The following MRTFB variants were observed in gnomAD, a reference collection of about 807,000 sequenced individuals.
The protein encoded by MRTFB is myocardin related transcription factor B.
In MRTFB, 29 loss-of-function variants were observed where a neutral mutation model predicts 104.2. The observed-to-expected ratio is 0.28, with a 90% CI of 0.21 to 0.38. The LOEUF is 0.38. Among genes scored for constraint, MRTFB ranks in the 10% least tolerant of loss-of-function variants. MRTFB has a pLI of 1.00. For synonymous variants in MRTFB, 535 were observed against 519.5 expected (o/e 1.03, Z -0.41); for missense variants, 1,270 against 1,341.6 (o/e 0.95, Z 0.83).
Position 14,248,790 on chromosome 16 carries a change from G to C in MRTFB, c.2248-136G>C, listed in dbSNP as rs1597374440. On this transcript the variant is annotated intron_variant, in intron 12 of 16. Coordinates refer to ENST00000571589, the MANE Select transcript of MRTFB (RefSeq NM_001308142.2). The stretch of plus-strand genomic sequence containing the variant: ...TTAAAGTTCAGATTTCTGTGCAGAT[G>C]AAGTGTGTATCTGTAACCTTGGTCT... The C allele has an allele frequency of 1.8e-5, 15 of 811,362 alleles. No individual in the cohort carries two copies. The South Asian group carries it at 2.7e-4, about 14-fold the overall frequency. The allele number at this position is 811,362 out of a possible 1,614,324, so 50.3% of individuals were successfully genotyped here. A position where few individuals can be genotyped will look rare whatever the true frequency, so the allele number is the denominator to read the frequency against.
the MRTFB span, among the ~76,000 whole-genome samples, chr16:14,004,274 C>T: frequency 3.3e-5 from 5 of 152,154 alleles, no homozygotes; most frequent in East Asian, 1.9e-4. Context: ...TTCCCAAAGC[C>T]GCCCATCCTG....
intron 3 of MRTFB, among the ~76,000 whole-genome samples, chr16:14,190,156 GAATTT>G (rs2040113549): frequency 6.6e-6 from 1 of 152,156 alleles, no homozygotes; most frequent in South Asian, 2.1e-4. Flanking sequence ...TGTGGTTGGA[GAATTT>G]AATTATTTTC....
intron 12 of MRTFB, 114 bp downstream of exon 12, chr16:14,247,621 C>T (rs549513187): frequency 4.5e-5 from 41 of 903,048 alleles, no homozygotes; most frequent in Non-Finnish European, 5.9e-5. Flanking sequence ...GCAGACCCCA[C>T]GGAGAAAACG....
Position 14,246,537 on chromosome 16 carries a change from T to C in MRTFB, c.1277T>C (p.Leu426Pro), listed in dbSNP as rs756911933. The stretch of plus-strand genomic sequence containing the variant: ...CCAGTGTCAGGCACCAAACCGGACC[T>C]CATTGAGCGCCTAAAACCCTACCAG... Reference protein sequence around the residue: ...GLPVSGTKPDLIERLKPYQEV... With the variant: ...GLPVSGTKPDPIERLKPYQEV... Residue 426 changes from leucine to proline, a missense_variant, in exon 12 of 17, where the codon CTC becomes CCC. Physicochemically the swap from Leu to Pro is moderately conservative, Grantham distance 98. This residue lies in a region of MRTFB where 1,144 missense variants were observed against 1,131.5 expected (regional missense o/e 1.01). Transcript: ENST00000571589. 2 of 1,614,040 alleles carry C rather than the reference T, an allele frequency of 1.2e-6. No homozygotes were observed. The highest frequency in any genetic ancestry group is 2.2e-5 in the South Asian group (2 of 91,086).
At chr16:14,242,095 A>G (rs1025044182) in intron 10 of MRTFB, among the ~76,000 whole-genome samples, 37 of 152,066 alleles carry the variant, frequency 2.4e-4, no homozygotes, top group African/African-American at 8.7e-4. Context: ...CAAGTCTAGG[A>G]GGAATTGCTG....
intron 3 of MRTFB, among the ~76,000 whole-genome samples, chr16:14,199,625 C>G (rs928950561): frequency 6.6e-6 from 1 of 152,218 alleles, no homozygotes; most frequent in African/African-American, 2.4e-5. Context: ...TGTCCACTCC[C>G]TTGCCATACA....
At chr16:14,021,554 G>A in the MRTFB span, among the ~76,000 whole-genome samples, 55 of 152,266 alleles carry the variant, frequency 3.6e-4, no homozygotes, top group African/African-American at 1.2e-3. Flanking sequence ...CCAATTTGTA[G>A]TGTTTTATCC....
chr16:14,072,843 C>G (rs868682528), intron 1 of MRTFB, among the ~76,000 whole-genome samples: 4 of 152,320 alleles, frequency 2.6e-5, no homozygotes, highest in African/African-American at 7.2e-5. Flanking sequence ...AATATTAGCA[C>G]AAGCCCTCCA....
chr16:14,085,897 A>G (rs1462322099), intron 2 of MRTFB, among the ~76,000 whole-genome samples: 1 of 152,182 alleles, frequency 6.6e-6, no homozygotes, highest in Non-Finnish European at 1.5e-5. Flanking sequence ...TTTATTTTCC[A>G]ACTCTGCTTT....
chr16:14,239,554 T>G (rs2042672616), intron 9 of MRTFB, among the ~76,000 whole-genome samples: 1 of 152,238 alleles, frequency 6.6e-6, no homozygotes, highest in Admixed American at 6.5e-5. Context: ...CAGATGACGC[T>G]ATCTTAGAAT....
chr16:14,258,196 G>C (rs2043594051), intron 16 of MRTFB, 35 bp downstream of exon 16: 1 of 1,582,636 alleles, frequency 6.3e-7, no homozygotes, highest in African/African-American at 1.3e-5. Flanking sequence ...CTCCCAGGAA[G>C]TCATCTCTTA....
intron 1 of MRTFB, among the ~76,000 whole-genome samples, chr16:14,072,697 A>G (rs778724136): frequency 3.0e-4 from 45 of 152,178 alleles, no homozygotes; most frequent in Non-Finnish European, 5.1e-4. Flanking sequence ...GGGAAAGAGC[A>G]GAGATACAGA....
At chr16:14,027,323 A>G in the MRTFB span, among the ~76,000 whole-genome samples, 2 of 152,220 alleles carry the variant, frequency 1.3e-5, no homozygotes, top group East Asian at 3.8e-4. Flanking sequence ...AATGTCTTCA[A>G]ACAACAAAAT....
At chr16:14,260,829 G>A (rs550147962) in intron 16 of MRTFB, 80 bp from the exon 17 acceptor site, 32 of 1,190,238 alleles carry the variant, frequency 2.7e-5, no homozygotes, top group Non-Finnish European at 3.7e-5. Context: ...TAATAGCAAT[G>A]TAACTGTCCT....
At chr16:14,248,812 G>A (rs2043132460) in intron 12 of MRTFB, 114 bp from the exon 13 acceptor site, 3 of 1,106,820 alleles carry the variant, frequency 2.7e-6, no homozygotes, top group Admixed American at 2.5e-5. Flanking sequence ...TGTAACCTTG[G>A]TCTTATTTCA....
the MRTFB span, among the ~76,000 whole-genome samples, chr16:14,063,737 A>G: frequency 6.6e-6 from 1 of 152,208 alleles, no homozygotes; most frequent in African/African-American, 2.4e-5. Context: ...GATGGGCAGG[A>G]TGTAGCAAAC....
chr16:14,081,970 T>C (rs911378235), intron 2 of MRTFB, among the ~76,000 whole-genome samples: 1 of 152,258 alleles, frequency 6.6e-6, no homozygotes, highest in Non-Finnish European at 1.5e-5. Flanking sequence ...AGTTTGCAGA[T>C]ATTTTCTCCC....
At chr16:14,075,202 C>A (rs541970299) in intron 1 of MRTFB, among the ~76,000 whole-genome samples, 1 of 152,226 alleles carries the variant, frequency 6.6e-6, no homozygotes, top group Non-Finnish European at 1.5e-5. Flanking sequence ...TATACCTTAG[C>A]TGGAGACCTG....
At chr16:14,029,459 C>CACACACAT in the MRTFB span, among the ~76,000 whole-genome samples, 1 of 133,620 alleles carries the variant, frequency 7.5e-6, no homozygotes, top group Non-Finnish European at 1.6e-5. Flanking sequence ...CACACACACA[C>CACACACAT]ATATATATAA....
Sources: allele counts gnomAD v4.1 joint callset (sites outside exome capture counted in the v4.1 genomes callset), GRCh38; gene constraint gnomAD v4.1.1; regional missense constraint gnomAD v4.1.1; transcripts MANE v1.5; gene names NCBI Gene and HGNC (gene_info 2026-07-23, HGNC 2026-07-21).